Variants in NTNG1 observed in about 807,000 individuals in gnomAD.
The protein encoded by NTNG1 is netrin-G1.
In NTNG1, 16 loss-of-function variants were observed where a neutral mutation model predicts 54.0. The observed-to-expected ratio is 0.30, with a 90% CI of 0.20 to 0.45. The LOEUF (loss-of-function observed/expected upper bound fraction) is 0.45. Among genes scored for constraint, NTNG1 ranks in the 20% least tolerant of loss-of-function variants. The pLI is 1.00. For synonymous variants in NTNG1, 255 were observed against 263.1 expected (o/e 0.97, Z 0.30); for missense variants, 530 against 678.7 (o/e 0.78, Z 2.43).
intron 3 of NTNG1, among the ~76,000 whole-genome samples, chr1:107,388,358 C>T (rs1478106519): frequency 6.6e-6 from 1 of 152,214 alleles, no homozygotes; most frequent in African/African-American, 2.4e-5. Flanking sequence ...ACAGAAAAGG[C>T]AGCTGAATTT....
At chr1:107,312,313 G>T (rs1380670665) in intron 2 of NTNG1, among the ~76,000 whole-genome samples, 2 of 152,094 alleles carry the variant, frequency 1.3e-5, no homozygotes, top group Admixed American at 1.3e-4. Flanking sequence ...GAAGAATTTG[G>T]TATTACTCTC....
chr1:107,278,285 A>G (rs17018696), intron 2 of NTNG1, among the ~76,000 whole-genome samples: 26,901 of 152,174 alleles, frequency 0.18, 2,755 homozygotes, highest in East Asian at 0.39. Flanking sequence ...AAGTATTGTC[A>G]TTAAGTATTT....
Position 107,298,342 on chromosome 1 carries a change from C to T in NTNG1, c.247-25940C>T, listed in dbSNP as rs548708878. On this transcript the variant is annotated intron_variant, in intron 2 of 7. Transcript: ENST00000370068. ...TTTACTTCGACAGGAGTAAAAGTTA[C>T]CTTTTTTCGAAGTTCTCATCTGCAC... Among the ~76,000 whole-genome samples, 19 of 152,196 alleles carry T rather than the reference C, an allele frequency of 1.2e-4. No homozygotes were observed. The South Asian group carries it at 3.7e-3, about 30-fold the overall frequency.
At chr1:107,410,104 T>C (rs1011022757) in intron 5 of NTNG1, 2 of 152,108 alleles carry the variant, frequency 1.3e-5, no homozygotes, top group Admixed American at 1.3e-4. Context: ...AAAGAAGGAA[T>C]CAATGACTAT....
chr1:107,320,417 C>T (rs1245526328), intron 2 of NTNG1, among the ~76,000 whole-genome samples: 1 of 152,016 alleles, frequency 6.6e-6, no homozygotes, highest in Non-Finnish European at 1.5e-5. Flanking sequence ...GAAAAAGTTG[C>T]ATTTTCTTAT....
intron 4 of NTNG1, among the ~76,000 whole-genome samples, chr1:107,395,724 C>A (rs1672643193): frequency 6.6e-6 from 1 of 152,142 alleles, no homozygotes; most frequent in South Asian, 2.1e-4. Context: ...TTTACAGCCC[C>A]ATTTCCCCTA....
chr1:107,232,844 A>G (rs1019111028), intron 2 of NTNG1, among the ~76,000 whole-genome samples: 1 of 152,186 alleles, frequency 6.6e-6, no homozygotes, highest in Non-Finnish European at 1.5e-5. Flanking sequence ...CTGCATAGAC[A>G]TTATCTGATA....
intron 2 of NTNG1, among the ~76,000 whole-genome samples, chr1:107,228,477 T>C (rs1007720701): frequency 6.6e-6 from 1 of 152,180 alleles, no homozygotes; most frequent in African/African-American, 2.4e-5. Context: ...TGTTAAAGTA[T>C]GGCAATCATT....
intron 2 of NTNG1, among the ~76,000 whole-genome samples, chr1:107,277,752 A>G (rs1027272714): frequency 1.3e-5 from 2 of 152,210 alleles, no homozygotes; most frequent in African/African-American, 4.8e-5. Flanking sequence ...TTGATGCTGC[A>G]TATCTTGTGA....
intron 7 of NTNG1, among the ~76,000 whole-genome samples, chr1:107,467,084 A>T (rs928687921): frequency 6.6e-6 from 1 of 152,220 alleles, no homozygotes; most frequent in African/African-American, 2.4e-5. Context: ...AGAATTACTT[A>T]ATGTTACTCA....
chr1:107,385,030 G>A (rs1671874851), intron 3 of NTNG1, among the ~76,000 whole-genome samples: 1 of 152,156 alleles, frequency 6.6e-6, no homozygotes, highest in South Asian at 2.1e-4. Context: ...CTGGTATCAG[G>A]ATCAGGCCAG....
At chr1:107,409,953 G>C (rs2101159855) in intron 5 of NTNG1, 1 of 152,218 alleles carries the variant, frequency 6.6e-6, no homozygotes, top group Non-Finnish European at 1.5e-5. Flanking sequence ...CCCTCCAAAG[G>C]GCAAGAATTC....
intron 3 of NTNG1, among the ~76,000 whole-genome samples, chr1:107,382,894 C>T (rs1671735528): frequency 6.6e-6 from 1 of 151,880 alleles, no homozygotes; most frequent in Admixed American, 6.6e-5. Flanking sequence ...GCTAGGTGCA[C>T]TCTTCTCTAT....
At chr1:107,425,067 G>A (rs1042272904) in intron 5 of NTNG1, among the ~76,000 whole-genome samples, 1 of 152,040 alleles carries the variant, frequency 6.6e-6, no homozygotes, top group African/African-American at 2.4e-5. Flanking sequence ...AGGCAGATCT[G>A]GGGACCCCAT....
chr1:107,263,218 G>C (rs965763317), intron 2 of NTNG1, among the ~76,000 whole-genome samples: 4 of 152,190 alleles, frequency 2.6e-5, no homozygotes, highest in Non-Finnish European at 5.9e-5. Flanking sequence ...GGATGTGTGG[G>C]TGTGAGAGTG....
At chr1:107,455,637 G>A (rs757954367) in intron 7 of NTNG1, 4 of 493,372 alleles carry the variant, frequency 8.1e-6, no homozygotes, top group South Asian at 3.0e-5. Flanking sequence ...TGAGATGGAA[G>A]GTAACTGCTG....
intron 3 of NTNG1, among the ~76,000 whole-genome samples, chr1:107,371,633 C>T (rs1670929067): frequency 6.6e-6 from 1 of 151,794 alleles, no homozygotes; most frequent in Non-Finnish European, 1.5e-5. Flanking sequence ...AGAGAAAAGT[C>T]CCAAGGCCAA....
At chr1:107,459,884 G>A (rs956083094) in intron 7 of NTNG1, among the ~76,000 whole-genome samples, 5 of 152,204 alleles carry the variant, frequency 3.3e-5, no homozygotes, top group African/African-American at 1.2e-4. Context: ...GGATTTTCCA[G>A]TGGGGAAATT....
At chr1:107,361,391 A>ATATATTTTT (rs370815306) in intron 3 of NTNG1, among the ~76,000 whole-genome samples, 44 of 87,968 alleles carry the variant, frequency 5.0e-4, no homozygotes, top group Admixed American at 2.1e-3. Context: ...ATATATATAT[A>ATATATTTTT]TTTTTTTTTT....
Sources: allele counts gnomAD v4.1 joint callset (sites outside exome capture counted in the v4.1 genomes callset), GRCh38; gene constraint gnomAD v4.1.1; transcripts MANE v1.5; gene names NCBI Gene and HGNC (gene_info 2026-07-23, HGNC 2026-07-21).